The following OSBPL9 variants were observed in gnomAD, a reference collection of about 807,000 sequenced individuals.
The protein encoded by OSBPL9 is oxysterol binding protein like 9.
A neutral mutation model predicts 106.6 loss-of-function variants in OSBPL9; 40 were observed. The ratio of observed to expected loss-of-function variants is 0.38; its 90% confidence interval spans 0.29 to 0.49. The LOEUF (loss-of-function observed/expected upper bound fraction) is 0.49, where lower values mean the gene tolerates loss of function less well. OSBPL9 is among the 20% of genes least tolerant of loss of function. The probability of loss-of-function intolerance (pLI) is 0.97; values close to 1 mark genes in which losing one functional copy is unlikely to be tolerated. For synonymous variants in OSBPL9, 269 were observed against 295.4 expected, an observed-to-expected ratio of 0.91 and a Z score of 0.92; for missense variants, 609 against 887.2, an observed-to-expected ratio of 0.69 and a Z score of 3.98.
intron 9 of OSBPL9, among the ~76,000 whole-genome samples, chr1:51,757,230 G>C (rs879683530): frequency 6.6e-6 from 1 of 151,950 alleles, no homozygotes; most frequent in South Asian, 2.1e-4. Context: ...CTGTGTTTGC[G>C]TATTTCTTAA....
At chr1:51,526,736 T>C in the OSBPL9 span, among the ~76,000 whole-genome samples, 1 of 151,996 alleles carries the variant, frequency 6.6e-6, no homozygotes, top group African/African-American at 2.4e-5. Flanking sequence ...TTTTACCCTT[T>C]TTTTTTTAAC....
intron 7 of OSBPL9, among the ~76,000 whole-genome samples, chr1:51,749,324 T>A (rs1668731984): frequency 6.6e-6 from 1 of 152,102 alleles, no homozygotes; most frequent in South Asian, 2.1e-4. Flanking sequence ...TTTTTATTTT[T>A]TTTTAAGAAA....
At chr1:51,721,365 C>T (rs1299774133) in intron 4 of OSBPL9, among the ~76,000 whole-genome samples, 1 of 151,918 alleles carries the variant, frequency 6.6e-6, no homozygotes, top group Non-Finnish European at 1.5e-5. Flanking sequence ...ACTTTTGCAC[C>T]AGCCTAATAA....
chr1:51,760,466 A>G (rs1416760827), intron 9 of OSBPL9: 1 of 517,908 alleles, frequency 1.9e-6, no homozygotes, highest in Non-Finnish European at 3.1e-6. Flanking sequence ...ATTTAGCTTT[A>G]CCTTCTTCTG....
At chr1:51,542,373 C>T in the OSBPL9 span, among the ~76,000 whole-genome samples, 1 of 152,172 alleles carries the variant, frequency 6.6e-6, no homozygotes, top group African/African-American at 2.4e-5. Flanking sequence ...CTCTAGACTC[C>T]CACGCAAGGT....
intron 1 of OSBPL9, among the ~76,000 whole-genome samples, chr1:51,584,665 G>A (rs1164152371): frequency 6.6e-6 from 1 of 152,108 alleles, no homozygotes; most frequent in East Asian, 1.9e-4. Context: ...GCAGTGAGCC[G>A]AGATCGCGCC....
At chr1:51,535,506 C>T in the OSBPL9 span, among the ~76,000 whole-genome samples, 292 of 152,204 alleles carry the variant, frequency 1.9e-3, no homozygotes, top group African/African-American at 6.8e-3. Context: ...AAAGAGTTAT[C>T]TCCATACTGT....
intron 20 of OSBPL9, 195 bp from the exon 21 acceptor site, chr1:51,785,613 C>A (rs1056438224): frequency 2.0e-5 from 11 of 553,642 alleles, no homozygotes; most frequent in African/African-American, 2.0e-4. Context: ...CTTGGGATCT[C>A]AAGTTCATAA....
rs758174157 is a variant in OSBPL9, at chr1:51,639,816, G to GTTTTT, written c.112-12153_112-12149dup. On this transcript the variant is annotated intron_variant, in intron 1 of 23. Coordinates refer to ENST00000428468, the MANE Select transcript of OSBPL9 (RefSeq NM_024586.6). ...CAGATTCGGGGAGGCATTCCTAGTTGTTTTTTTTTTTTTTTTTTTTTTTTT... is the reference window on the plus strand; with the variant it reads ...CAGATTCGGGGAGGCATTCCTAGTTGTTTTTTTTTTTTTTTTTTTTTTTTTTTTTT... Among the ~76,000 whole-genome samples the GTTTTT allele has an allele frequency of 3.4e-4, 23 of 67,024 alleles. 2 individuals are homozygous for GTTTTT. The highest frequency in any genetic ancestry group is 4.6e-4 in the Non-Finnish European group (16 of 34,898). The allele number at this position is 67,024 out of a possible 152,430, so 44.0% of individuals were successfully genotyped here. A position where few individuals can be genotyped will look rare whatever the true frequency, so the allele number is the denominator to read the frequency against.
chr1:51,671,521 TATTTTA>T (rs1649866454), intron 3 of OSBPL9, among the ~76,000 whole-genome samples: 1 of 152,230 alleles, frequency 6.6e-6, no homozygotes. Flanking sequence ...ATTCAACATC[TATTTTA>T]GACATTATTC....
At chr1:51,622,680 T>A (rs1644515441) in intron 1 of OSBPL9, among the ~76,000 whole-genome samples, 1 of 152,138 alleles carries the variant, frequency 6.6e-6, no homozygotes. Flanking sequence ...CCAGGTAGCC[T>A]CTCCATTGAG....
At chr1:51,613,723 T>G (rs1295352575), upstream of OSBPL9, among the ~76,000 whole-genome samples, 9 of 151,898 alleles carry the variant, frequency 5.9e-5, no homozygotes, top group Non-Finnish European at 1.3e-4. Flanking sequence ...AACCAAGCCT[T>G]GCCTTTTCTT....
chr1:51,536,227 C>G, the OSBPL9 span, among the ~76,000 whole-genome samples: 2 of 152,118 alleles, frequency 1.3e-5, no homozygotes, highest in African/African-American at 4.8e-5. Context: ...GTATTTTCCC[C>G]CATCAGGTTC....
chr1:51,763,706 A>C (rs1672006389), intron 11 of OSBPL9, among the ~76,000 whole-genome samples: 1 of 152,332 alleles, frequency 6.6e-6, no homozygotes, highest in South Asian at 2.1e-4. Flanking sequence ...TAGCTCTCTT[A>C]CTTGAAGCTC....
intron 3 of OSBPL9, among the ~76,000 whole-genome samples, chr1:51,679,982 G>C (rs1652147546): frequency 6.6e-6 from 1 of 152,052 alleles, no homozygotes. Flanking sequence ...ATCCACAGGG[G>C]GTCTTCCTAT....
rs1486740525 is a variant in OSBPL9 at position 51,772,565 on chromosome 1, C to T, written c.1052-40C>T. 2.7e-6 allele frequency: 4 copies of T among 1,465,754 alleles called. No individual in the cohort carries two copies. In the East Asian group the frequency reaches 9.1e-5, roughly 33 times the overall value. 90.8% of individuals were successfully genotyped at this position (1,465,754 alleles called of 1,614,324 possible). ...AATTCTAGTATCAGGACAGATTGGCCCAATTTAGCACCATTCTAATAAGAT... is the reference window on the plus strand; with the variant it reads ...AATTCTAGTATCAGGACAGATTGGCTCAATTTAGCACCATTCTAATAAGAT... On this transcript the variant is annotated intron_variant, in intron 13 of 23. Coordinates refer to ENST00000428468, the MANE Select transcript of OSBPL9 (RefSeq NM_024586.6).
chr1:51,596,922 A>C lies in OSBPL9; in HGVS notation c.-422-1202A>C, dbSNP rs1645302973. Among the ~76,000 whole-genome samples, 3 of 152,206 alleles carry C rather than the reference A, an allele frequency of 2.0e-5. No homozygotes were observed. The South Asian group carries it at 6.2e-4, about 32-fold the overall frequency. On this transcript the variant is annotated intron_variant, in intron 1 of 25. Coordinates refer to the OSBPL9 transcript ENST00000371714. ...GCTACCTTTCCAGTAGGGGACACAGAGTCTCATAAAGGAAGCAATAAAACA... is the reference window on the plus strand; with the variant it reads ...GCTACCTTTCCAGTAGGGGACACAGCGTCTCATAAAGGAAGCAATAAAACA...
chr1:51,669,387 C>A, intron 2 of OSBPL9, 47 bp from the exon 3 acceptor site: 2 of 1,521,578 alleles, frequency 1.3e-6, no homozygotes, highest in Non-Finnish European at 1.8e-6. Context: ...GTGAATATTG[C>A]TGATGTCATT....
intron 3 of OSBPL9, among the ~76,000 whole-genome samples, chr1:51,693,332 A>G (rs551891737): frequency 6.6e-6 from 1 of 151,964 alleles, no homozygotes; most frequent in South Asian, 2.1e-4. Flanking sequence ...TGTTAGTATC[A>G]CTGCATTCCA....
Sources: allele counts gnomAD v4.1 joint callset (sites outside exome capture counted in the v4.1 genomes callset), GRCh38; gene constraint gnomAD v4.1.1; transcripts MANE v1.5; gene names NCBI Gene and HGNC (gene_info 2026-07-23, HGNC 2026-07-21).